AGBL4: variants seen among roughly 807,000 people sequenced by gnomAD.
AGBL4 encodes the protein cytosolic carboxypeptidase 6.
In AGBL4, 58 loss-of-function variants were observed where a neutral mutation model predicts 66.4. The observed-to-expected ratio is 0.87, with a 90% confidence interval of 0.71 to 1.09. The LOEUF (loss-of-function observed/expected upper bound fraction) is 1.09, where lower values mean the gene tolerates loss of function less well. Ranked by LOEUF, AGBL4 falls within the 50% of genes least tolerant of loss-of-function variation. The pLI is 0.00. For missense variants in AGBL4, 579 were observed against 631.0 expected (o/e 0.92, Z 0.88); for synonymous variants, 234 against 222.9 (o/e 1.05, Z -0.44).
chr1:49,917,297 G>T (rs886305036), intron 1 of AGBL4, among the ~76,000 whole-genome samples: 5 of 151,386 alleles, frequency 3.3e-5, no homozygotes, highest in Non-Finnish European at 7.4e-5. Flanking sequence ...TGGCAAATTG[G>T]ATAAACACTC....
chr1:48,935,475 G>C (rs1331022198), intron 5 of AGBL4, among the ~76,000 whole-genome samples: 4 of 152,106 alleles, frequency 2.6e-5, no homozygotes, highest in Admixed American at 2.6e-4. Context: ...GGGGAGGTAG[G>C]TTTCTAGAGT....
chr1:49,289,011 C>T (rs752879008), intron 3 of AGBL4, among the ~76,000 whole-genome samples: 163 of 152,014 alleles, frequency 1.1e-3, no homozygotes, highest in Non-Finnish European at 2.0e-3. Context: ...CACACACACA[C>T]ACACAGAGAG....
At chr1:48,906,508 C>T (rs1049996597) in intron 5 of AGBL4, among the ~76,000 whole-genome samples, 3 of 151,936 alleles carry the variant, frequency 2.0e-5, no homozygotes, top group Admixed American at 6.6e-5. Context: ...GAAATGGTTA[C>T]GACAAATTGG....
At chr1:48,727,663 C>G in intron 6 of AGBL4, 1 of 331,594 alleles carries the variant, frequency 3.0e-6, no homozygotes, top group Non-Finnish European at 5.4e-6. Flanking sequence ...AGTGTTTTCC[C>G]CATTCCCAGA....
chr1:49,866,012 G>A (rs1646691594), intron 1 of AGBL4: 2 of 297,274 alleles, frequency 6.7e-6, no homozygotes, highest in Non-Finnish European at 1.4e-5. Context: ...GAATTTCAGA[G>A]CTTCAAGACT....
intron 2 of AGBL4, among the ~76,000 whole-genome samples, chr1:49,809,816 A>G (rs998273190): frequency 1.3e-5 from 2 of 152,196 alleles, no homozygotes; most frequent in Non-Finnish European, 2.9e-5. Context: ...AACCTTATCT[A>G]TCTCAAGTAC....
intron 5 of AGBL4, among the ~76,000 whole-genome samples, chr1:49,012,394 G>C (rs1446735164): frequency 6.6e-6 from 1 of 152,130 alleles, no homozygotes; most frequent in Non-Finnish European, 1.5e-5. Context: ...AGGTGGTTGG[G>C]GAGTATGTGA....
At chr1:49,089,913 C>A (rs1644973211) in intron 4 of AGBL4, among the ~76,000 whole-genome samples, 1 of 152,144 alleles carries the variant, frequency 6.6e-6, no homozygotes, top group African/African-American at 2.4e-5. Flanking sequence ...ATCAAGCAGG[C>A]TTTATCCCTA....
intron 6 of AGBL4, among the ~76,000 whole-genome samples, chr1:48,846,359 AAAG>A (rs756438526): frequency 1.5e-5 from 2 of 137,764 alleles, no homozygotes; most frequent in Non-Finnish European, 3.1e-5. Context: ...AAGGAGAAAG[AAAG>A]AAGAAAGAAA....
intron 6 of AGBL4, chr1:48,761,097 C>A: frequency 2.1e-6 from 1 of 466,958 alleles, no homozygotes; most frequent in East Asian, 3.8e-5. Flanking sequence ...GATGACACTG[C>A]ACAGACTGTG....
At chr1:49,324,319 G>A (rs1422826572) in intron 3 of AGBL4, among the ~76,000 whole-genome samples, 1 of 152,154 alleles carries the variant, frequency 6.6e-6, no homozygotes, top group African/African-American at 2.4e-5. Flanking sequence ...CACTGCATTG[G>A]GTTCAGCACA....
At chr1:48,849,506 CACCAGTCCATGG>C (rs1196366084) in intron 6 of AGBL4, among the ~76,000 whole-genome samples, 1 of 152,226 alleles carries the variant, frequency 6.6e-6, no homozygotes, top group Non-Finnish European at 1.5e-5. Flanking sequence ...TACACTCTGG[CACCAGTCCATGG>C]ATGACACTTT....
chr1:49,548,114 C>T (rs529040725), intron 3 of AGBL4, among the ~76,000 whole-genome samples: 3 of 152,172 alleles, frequency 2.0e-5, no homozygotes, highest in South Asian at 4.1e-4. Context: ...TGGTTGCTGT[C>T]GTTGTAAAGA....
At chr1:49,849,393 T>TTTTTTATTA (rs368034488) in intron 2 of AGBL4, among the ~76,000 whole-genome samples, 5 of 130,080 alleles carry the variant, frequency 3.8e-5, no homozygotes, top group African/African-American at 1.3e-4. Context: ...ATTCATCTAA[T>TTTTTTATTA]TTATTATTAT....
intron 3 of AGBL4, among the ~76,000 whole-genome samples, chr1:49,340,566 G>A (rs1343077016): frequency 6.6e-6 from 1 of 152,174 alleles, no homozygotes; most frequent in Non-Finnish European, 1.5e-5. Context: ...ATCAGAGCAT[G>A]AAACCTCAAC....
intron 3 of AGBL4, among the ~76,000 whole-genome samples, chr1:49,303,484 G>T (rs1644793498): frequency 1.9e-5 from 1 of 51,900 alleles, no homozygotes; most frequent in Non-Finnish European, 3.9e-5. Flanking sequence ...ACAGAGTCTT[G>T]CTCTGTCACC....
rs114468624 is a variant in AGBL4 at position 48,639,944 on chromosome 1, G to C, written c.840-5340C>G. Reference sequence around the variant, plus strand: ...AAAAAGCAGCTGCCTAAAGACAGAGGAACGCATAAGATGGCCTCCAGATGC... The same window carrying C: ...AAAAAGCAGCTGCCTAAAGACAGAGCAACGCATAAGATGGCCTCCAGATGC... On this transcript the variant is annotated intron_variant, in intron 8 of 13. Transcript: ENST00000371839. Among the ~76,000 whole-genome samples, 1,202 of 152,288 alleles carry C rather than the reference G, an allele frequency of 7.9e-3. 11 individuals carry two copies. The highest frequency in any genetic ancestry group is 0.01 in the Admixed American group (158 of 15,298).
intron 3 of AGBL4, among the ~76,000 whole-genome samples, chr1:49,666,513 CAG>C (rs1234140242): frequency 3.9e-5 from 6 of 151,910 alleles, no homozygotes; most frequent in Non-Finnish European, 5.9e-5. Flanking sequence ...TTGCAGTGAG[CAG>C]AGATTGCACC....
At chr1:48,941,623 A>G (rs10493140) in intron 5 of AGBL4, among the ~76,000 whole-genome samples, 36,208 of 152,082 alleles carry the variant, frequency 0.24, 5,200 homozygotes, top group African/African-American at 0.41. Context: ...GTAAAAGACT[A>G]AATTTCCTGC....
Sources: allele counts gnomAD v4.1 joint callset (sites outside exome capture counted in the v4.1 genomes callset), GRCh38; gene constraint gnomAD v4.1.1; transcripts MANE v1.5; gene names NCBI Gene and HGNC (gene_info 2026-07-23, HGNC 2026-07-21).